Variants in GPC5 observed in about 807,000 individuals in gnomAD.
The protein encoded by GPC5 is glypican-5.
Under a neutral mutation model 53.9 loss-of-function variants are expected in GPC5, and 47 were observed. That is an observed-to-expected ratio of 0.87 (90% CI 0.69 to 1.11). The LOEUF (loss-of-function observed/expected upper bound fraction) is 1.11. Among genes scored for constraint, GPC5 ranks in the 50% most tolerant of loss-of-function variants. The probability of loss-of-function intolerance (pLI) is 0.00; values close to 1 mark genes in which losing one functional copy is unlikely to be tolerated. For synonymous variants in GPC5, 286 were observed against 263.3 expected, an observed-to-expected ratio of 1.09 and a Z score of -0.84; for missense variants, 748 against 713.1, an observed-to-expected ratio of 1.05 and a Z score of -0.56.
At chr13:91,664,252 A>C (rs1204704888) in intron 2 of GPC5, among the ~76,000 whole-genome samples, 1 of 152,238 alleles carries the variant, frequency 6.6e-6, no homozygotes, top group Non-Finnish European at 1.5e-5. Context: ...TTACGCTAGG[A>C]GGGATCAGAT....
chr13:91,425,537 C>G (rs543798624), intron 1 of GPC5, among the ~76,000 whole-genome samples: 31 of 152,310 alleles, frequency 2.0e-4, no homozygotes, highest in African/African-American at 7.2e-4. Context: ...TCACTGTTCT[C>G]TCTTTCTCAT....
chr13:92,271,817 G>T (rs2042841819), intron 7 of GPC5, among the ~76,000 whole-genome samples: 1 of 152,132 alleles, frequency 6.6e-6, no homozygotes, highest in Non-Finnish European at 1.5e-5. Flanking sequence ...CTGCAGAAAT[G>T]ATTTCTTATC....
intron 2 of GPC5, among the ~76,000 whole-genome samples, chr13:91,599,662 T>C (rs1228396878): frequency 1.3e-5 from 2 of 152,196 alleles, no homozygotes; most frequent in Non-Finnish European, 2.9e-5. Flanking sequence ...TTACATAAGT[T>C]ACAAAAGAAA....
intron 2 of GPC5, among the ~76,000 whole-genome samples, chr13:91,466,843 G>C (rs527528276): frequency 6.6e-6 from 1 of 152,072 alleles, no homozygotes; most frequent in Non-Finnish European, 1.5e-5. Context: ...AAGTTCTTTT[G>C]AAAATTCTAT....
intron 4 of GPC5, among the ~76,000 whole-genome samples, chr13:91,752,709 T>C (rs1461232022): frequency 1.3e-5 from 2 of 152,212 alleles, no homozygotes; most frequent in Non-Finnish European, 2.9e-5. Flanking sequence ...ATGTCCATTA[T>C]TTCAGTCACT....
chr13:92,172,064 GT>G (rs2042074304), intron 7 of GPC5, among the ~76,000 whole-genome samples: 2 of 152,152 alleles, frequency 1.3e-5, no homozygotes. Context: ...TGTATTTCTA[GT>G]TAAAATGTAG....
intron 2 of GPC5, among the ~76,000 whole-genome samples, chr13:91,598,849 A>T (rs938541733): frequency 6.6e-6 from 1 of 151,990 alleles, no homozygotes; most frequent in African/African-American, 2.4e-5. Flanking sequence ...AAATTAACTA[A>T]CTGGAAAGCT....
At position 91,882,910 on chromosome 13, in the gene GPC5, G is replaced by T. The variant is rs142412644; in HGVS notation, c.1281-25027G>T. On this transcript the variant is annotated intron_variant, in intron 5 of 7. Coordinates refer to ENST00000377067, the MANE Select transcript of GPC5 (RefSeq NM_004466.6). ...AAATCAGGAAAGGAAGCTAGAGATT[G>T]GTGGCAGTAGAGGTGAGTCAGTGTT... Among the ~76,000 whole-genome samples, 634 of 152,180 alleles carry T rather than the reference G, an allele frequency of 4.2e-3. 3 individuals are homozygous for T. Among genetic ancestry groups the T allele is most frequent in the African/African-American group, 0.014 (599 of 41,520 alleles).
intron 7 of GPC5, among the ~76,000 whole-genome samples, chr13:92,250,354 G>C (rs116766490): frequency 1.1e-3 from 169 of 152,196 alleles, no homozygotes; most frequent in African/African-American, 4.0e-3. Flanking sequence ...ATAAAGATTG[G>C]TTTGAATTAA....
chr13:92,566,258 T>G (rs1195831475), intron 7 of GPC5, among the ~76,000 whole-genome samples: 2 of 152,100 alleles, frequency 1.3e-5, no homozygotes, highest in Non-Finnish European at 2.9e-5. Flanking sequence ...CAGAAATTGT[T>G]GAATAGCTAT....
rs142020479 is a variant in GPC5 at position 91,698,033 on chromosome 13, C to T, written c.1020+4152C>T. Among the ~76,000 whole-genome samples, 1,043 of 151,944 alleles carry T rather than the reference C, an allele frequency of 6.9e-3. 15 individuals carry two copies. The highest frequency in any genetic ancestry group is 0.024 in the African/African-American group (1,008 of 41,414). On this transcript the variant is annotated intron_variant, in intron 3 of 7. Coordinates refer to ENST00000377067, the MANE Select transcript of GPC5 (RefSeq NM_004466.6). ...TCTCCTGCCTCAGCCTCCCAAGTAG[C>T]TGGAATTACAGGCATGCGTCACCAC...
chr13:92,494,539 T>A (rs1189962716), intron 7 of GPC5, among the ~76,000 whole-genome samples: 1 of 152,228 alleles, frequency 6.6e-6, no homozygotes, highest in Admixed American at 6.5e-5. Flanking sequence ...TTTCTTTTCG[T>A]ATTCTAAGTG....
chr13:91,461,890 A>G (rs993866175), intron 2 of GPC5, among the ~76,000 whole-genome samples: 2 of 152,086 alleles, frequency 1.3e-5, no homozygotes, highest in Non-Finnish European at 2.9e-5. Flanking sequence ...TCACATTGTG[A>G]GTGCTTAGGA....
intron 7 of GPC5, among the ~76,000 whole-genome samples, chr13:92,156,465 TTTC>T (rs2041946031): frequency 6.6e-6 from 1 of 150,732 alleles, no homozygotes; most frequent in Non-Finnish European, 1.5e-5. Flanking sequence ...CTTCCCTCTG[TTTC>T]TTCTGCACAC....
chr13:92,749,970 G>T (rs901360162), intron 7 of GPC5, among the ~76,000 whole-genome samples: 7 of 152,128 alleles, frequency 4.6e-5, no homozygotes, highest in African/African-American at 1.7e-4. Context: ...CCAGCCAGAG[G>T]CTGGTTCACT....
At chr13:92,003,945 G>T (rs2040580107) in intron 6 of GPC5, among the ~76,000 whole-genome samples, 1 of 152,086 alleles carries the variant, frequency 6.6e-6, no homozygotes, top group African/African-American at 2.4e-5. Context: ...GCCAGAAGTG[G>T]ATTAAAAAAT....
intron 7 of GPC5, among the ~76,000 whole-genome samples, chr13:92,792,852 G>A (rs1475178386): frequency 6.6e-6 from 1 of 152,288 alleles, no homozygotes; most frequent in East Asian, 1.9e-4. Context: ...AAAGATATAT[G>A]CAACCAATAC....
intron 7 of GPC5, among the ~76,000 whole-genome samples, chr13:92,508,818 CT>C (rs1482975402): frequency 2.6e-5 from 4 of 152,274 alleles, no homozygotes; most frequent in African/African-American, 9.6e-5. Flanking sequence ...AAGAATTTGA[CT>C]GTATTTTAGG....
intron 7 of GPC5, among the ~76,000 whole-genome samples, chr13:92,516,564 T>G (rs908602706): frequency 6.6e-6 from 1 of 152,176 alleles, no homozygotes; most frequent in African/African-American, 2.4e-5. Flanking sequence ...GTGTGGAAGG[T>G]GTTCTGTAAA....
Sources: gnomAD v4.1 joint callset for allele counts (sites outside exome capture counted in the v4.1 genomes callset) on GRCh38, gnomAD v4.1.1 for gene constraint, MANE v1.5 for transcripts, NCBI Gene and HGNC (gene_info 2026-07-23, HGNC 2026-07-21) for gene names.